RIGI: variants seen among roughly 807,000 people sequenced by gnomAD.
RIGI encodes antiviral innate immune response receptor RIG-I.
chr9:32,513,389 C>T, the RIGI span, among the ~76,000 whole-genome samples: 1 of 152,070 alleles, frequency 6.6e-6, no homozygotes, highest in South Asian at 2.1e-4. Flanking sequence ...GATATATAGA[C>T]CAATGGAACA....
chr9:32,497,343 G>A, the RIGI span, among the ~76,000 whole-genome samples: 1 of 152,136 alleles, frequency 6.6e-6, no homozygotes, highest in South Asian at 2.1e-4. Flanking sequence ...TGGATTATTT[G>A]TTAATATATA....
the RIGI span, among the ~76,000 whole-genome samples, chr9:32,521,145 A>AAAAAAAAAAAAAAAC: frequency 6.7e-6 from 1 of 149,598 alleles, no homozygotes; most frequent in Non-Finnish European, 1.5e-5. Flanking sequence ...ATCTCAAAAA[A>AAAAAAAAAAAAAAAC]AAAAAAAAAA....
the RIGI span, among the ~76,000 whole-genome samples, chr9:32,495,659 CTTTT>C: frequency 2.5e-5 from 3 of 120,756 alleles, no homozygotes; most frequent in African/African-American, 9.4e-5. Context: ...AGTCCTTTGC[CTTTT>C]TTTTTTTTTT....
chr9:32,486,775 G>A, the RIGI span, among the ~76,000 whole-genome samples: 2,988 of 152,158 alleles, frequency 0.02, 106 homozygotes, highest in African/African-American at 0.067. Flanking sequence ...AGGAGGAACC[G>A]GATTGTAAAG....
the RIGI span, among the ~76,000 whole-genome samples, chr9:32,499,311 G>GTTTTTTTTTTTTTTTTTTTT: frequency 2.5e-5 from 2 of 81,134 alleles, no homozygotes; most frequent in Non-Finnish European, 2.3e-5. Context: ...CAGAGTTTGT[G>GTTTTTTTTTTTTTTTTTTTT]ATTTGTTTTT....
At chr9:32,526,157 C>T in the RIGI span, 2 of 1,612,642 alleles carry the variant, frequency 1.2e-6, no homozygotes, top group Admixed American at 1.7e-5. Flanking sequence ...CGTCGCTGCT[C>T]GGTGGTCATG....
At chr9:32,474,372 C>A in the RIGI span, among the ~76,000 whole-genome samples, 1 of 152,174 alleles carries the variant, frequency 6.6e-6, no homozygotes, top group Non-Finnish European at 1.5e-5. Flanking sequence ...AGGTAGCCCT[C>A]AATGATCTCC....
At chr9:32,468,038 A>G in the RIGI span, 43 of 1,001,022 alleles carry the variant, frequency 4.3e-5, no homozygotes, top group South Asian at 1.5e-4. Context: ...AAGTACTGTG[A>G]TAAGTACTTT....
the RIGI span, among the ~76,000 whole-genome samples, chr9:32,505,018 ATATC>A: frequency 1.4e-4 from 19 of 131,046 alleles, no homozygotes; most frequent in South Asian, 4.5e-4. Flanking sequence ...GTTTAAATAT[ATATC>A]TATTATATAC....
chr9:32,481,166 C>T, the RIGI span, among the ~76,000 whole-genome samples: 1 of 152,034 alleles, frequency 6.6e-6, no homozygotes, highest in African/African-American at 2.4e-5. Flanking sequence ...GAAAGGAAAT[C>T]GAGATGATGT....
chr9:32,488,098 G>A, the RIGI span: 5,883 of 1,614,084 alleles, frequency 3.6e-3, 27 homozygotes, highest in South Asian at 5.1e-3. Context: ...TTTTAAGGTT[G>A]TTCACAAGAA....
At chr9:32,458,216 C>G in the RIGI span, among the ~76,000 whole-genome samples, 1 of 152,160 alleles carries the variant, frequency 6.6e-6, no homozygotes, top group Non-Finnish European at 1.5e-5. Context: ...GGAGATTTTT[C>G]TAACCCTTTC....
At chr9:32,493,118 A>G in the RIGI span, among the ~76,000 whole-genome samples, 3 of 152,254 alleles carry the variant, frequency 2.0e-5, no homozygotes, top group African/African-American at 4.8e-5. Context: ...GCCCAAGATC[A>G]TACCGCTAGT....
At chr9:32,524,571 C>G in the RIGI span, among the ~76,000 whole-genome samples, 58 of 130,818 alleles carry the variant, frequency 4.4e-4, no homozygotes, top group African/African-American at 1.6e-3. Flanking sequence ...CAGGCCCCCT[C>G]TCATCGACTT....
At chr9:32,498,422 T>A in the RIGI span, 1 of 449,724 alleles carries the variant, frequency 2.2e-6, no homozygotes. Flanking sequence ...TCCAAGTGCC[T>A]GTTTCCTGCT....
At chr9:32,463,235 GCCT>G in the RIGI span, among the ~76,000 whole-genome samples, 1 of 152,048 alleles carries the variant, frequency 6.6e-6, no homozygotes, top group African/African-American at 2.4e-5. Context: ...GGGTGTCCAG[GCCT>G]CCTGTTTTTA....
chr9:32,478,756 C>T, the RIGI span, among the ~76,000 whole-genome samples: 815 of 152,042 alleles, frequency 5.4e-3, 5 homozygotes, highest in African/African-American at 0.019. Flanking sequence ...GATGGGGTTT[C>T]GCCATGCTGC....
At chr9:32,525,716 G>A in the RIGI span, among the ~76,000 whole-genome samples, 1 of 152,168 alleles carries the variant, frequency 6.6e-6, no homozygotes, top group African/African-American at 2.4e-5. Context: ...CTAAGGAAGA[G>A]CCCTTATCTT....
chr9:32,461,879 C>T, the RIGI span, among the ~76,000 whole-genome samples: 2 of 152,236 alleles, frequency 1.3e-5, no homozygotes, highest in South Asian at 2.1e-4. Flanking sequence ...TTAAAAGTAT[C>T]ATTTATGCTT....
Sources: gnomAD v4.1 joint callset for allele counts (sites outside exome capture counted in the v4.1 genomes callset) on GRCh38, gnomAD v4.1.1 for gene constraint, MANE v1.5 for transcripts, NCBI Gene and HGNC (gene_info 2026-07-23, HGNC 2026-07-21) for gene names.